Variants in ABCB1 observed in about 807,000 individuals in gnomAD.
ABCB1 encodes the protein ATP binding cassette subfamily B member 1.
In ABCB1, 69 loss-of-function variants were observed where a neutral mutation model predicts 142.0. The ratio of observed to expected loss-of-function variants is 0.49; its 90% CI spans 0.40 to 0.59. The LOEUF (loss-of-function observed/expected upper bound fraction) is 0.59. Ranked by LOEUF, ABCB1 falls within the 20% of genes least tolerant of loss-of-function variation. The pLI is 0.00. For synonymous variants in ABCB1, 532 were observed against 539.2 expected (o/e 0.99, Z 0.18); for missense variants, 1,326 against 1,554.7 (o/e 0.85, Z 2.47).
intron 1 of ABCB1, among the ~76,000 whole-genome samples, chr7:87,622,113 T>C (rs1045906885): frequency 3.3e-5 from 5 of 152,096 alleles, no homozygotes; most frequent in Non-Finnish European, 7.4e-5. Context: ...AAGGAAAATA[T>C]TGATGAATTT....
chr7:87,711,653 A>T (rs1230917563), intron 1 of ABCB1, among the ~76,000 whole-genome samples: 1 of 152,178 alleles, frequency 6.6e-6, no homozygotes, highest in Non-Finnish European at 1.5e-5. Flanking sequence ...GTAGCCACTA[A>T]CACATGCCAT....
intron 19 of ABCB1, among the ~76,000 whole-genome samples, chr7:87,538,776 C>T (rs1353132876): frequency 6.6e-6 from 1 of 152,066 alleles, no homozygotes; most frequent in African/African-American, 2.4e-5. Flanking sequence ...CCATTATCAG[C>T]CAGTAACACT....
chr7:87,693,120 G>A (rs1046465934), intron 1 of ABCB1, among the ~76,000 whole-genome samples: 1 of 152,108 alleles, frequency 6.6e-6, no homozygotes, highest in Admixed American at 6.6e-5. Context: ...TATTTTTTGG[G>A]AATGTTATTT....
At chr7:87,544,694 A>T in intron 16 of ABCB1, 129 bp downstream of exon 16, 2 of 883,114 alleles carry the variant, frequency 2.3e-6, no homozygotes, top group Non-Finnish European at 1.8e-6. Context: ...AAATGTTGAC[A>T]TTCTGGGGGA....
chr7:87,594,569 T>A (rs1459302842), intron 3 of ABCB1, among the ~76,000 whole-genome samples: 2 of 152,188 alleles, frequency 1.3e-5, no homozygotes, highest in African/African-American at 2.4e-5. Flanking sequence ...ATCCTGGGGA[T>A]AAATACAACT....
At chr7:87,582,069 G>T (rs948797788) in intron 4 of ABCB1, among the ~76,000 whole-genome samples, 2 of 152,150 alleles carry the variant, frequency 1.3e-5, no homozygotes, top group Non-Finnish European at 2.9e-5. Context: ...CAGACAAGCA[G>T]ATTAGTGATA....
At chr7:87,561,172 A>T in intron 8 of ABCB1, 91 bp downstream of exon 8, 1 of 1,466,642 alleles carries the variant, frequency 6.8e-7, no homozygotes, top group Non-Finnish European at 9.4e-7. Flanking sequence ...TATATATGGG[A>T]GAAAATGCTT....
chr7:87,556,578 G>A (rs1922241), intron 8 of ABCB1, among the ~76,000 whole-genome samples: 44,771 of 151,920 alleles, frequency 0.29, 6,774 homozygotes, highest in Admixed American at 0.37. Flanking sequence ...CTACTTTCAA[G>A]TTATATCCCA....
At chr7:87,570,870 A>G (rs1425897214) in intron 4 of ABCB1, among the ~76,000 whole-genome samples, 1 of 152,176 alleles carries the variant, frequency 6.6e-6, no homozygotes, top group Non-Finnish European at 1.5e-5. Flanking sequence ...ACACACAAGC[A>G]CACACACTTA....
chr7:87,632,606 C>A (rs1326803100), intron 1 of ABCB1, among the ~76,000 whole-genome samples: 1 of 152,112 alleles, frequency 6.6e-6, no homozygotes, highest in African/African-American at 2.4e-5. Flanking sequence ...CCTGTATATT[C>A]TCTATCGTTT....
chr7:87,528,073 T>A (rs1023730733), intron 21 of ABCB1, among the ~76,000 whole-genome samples: 1 of 152,134 alleles, frequency 6.6e-6, no homozygotes, highest in African/African-American at 2.4e-5. Context: ...TCAGATCTCA[T>A]GAGACTTATT....
At chr7:87,604,645 G>A (rs1343292158), upstream of ABCB1, among the ~76,000 whole-genome samples, 1 of 151,954 alleles carries the variant, frequency 6.6e-6, no homozygotes, top group Non-Finnish European at 1.5e-5. Context: ...TCCAGATTCC[G>A]AAGGTCAATA....
At chr7:87,537,144 T>G (rs2117146828) in intron 19 of ABCB1, 1 of 155,140 alleles carries the variant, frequency 6.4e-6, no homozygotes, top group Admixed American at 6.3e-5. Flanking sequence ...GACAGATTTG[T>G]GTTCTGATTT....
At chr7:87,653,862 G>A (rs189378911) in intron 1 of ABCB1, among the ~76,000 whole-genome samples, 28 of 152,048 alleles carry the variant, frequency 1.8e-4, no homozygotes, top group Admixed American at 1.8e-3. Context: ...TCAGAGCTGA[G>A]TAAAGTGCTT....
rs552993471 is a variant in ABCB1 at position 87,595,458 on chromosome 7, G to A, written c.117+308C>T. Among the ~76,000 whole-genome samples the A allele has an allele frequency of 1.1e-4, 17 of 152,212 alleles. No individual in the cohort carries two copies. The East Asian group carries it at 3.3e-3, about 29-fold the overall frequency. On this transcript the variant is annotated intron_variant, in intron 3 of 27. Transcript: ENST00000622132. ...CCAAATTTCAGAGCCATTAAAGACA[G>A]CATTCTATGTGATTGGTTTCCTCTA... is the stretch of plus-strand genomic sequence containing the variant.
rs1201580584 is a variant in ABCB1, at chr7:87,533,941, G to A, written c.2482-2444C>T. Among the ~76,000 whole-genome samples the A allele has an allele frequency of 2.0e-5, 3 of 152,298 alleles. No homozygotes were observed. In the East Asian group the frequency reaches 5.8e-4, roughly 29 times the overall value. Reference sequence around the variant, plus strand: ...GAGTGGCTCATATAAGGTGAGTGCAGCCATCTTGGCAGGGCCAAGTTTGAG... The same window carrying A: ...GAGTGGCTCATATAAGGTGAGTGCAACCATCTTGGCAGGGCCAAGTTTGAG... On this transcript the variant is annotated intron_variant, in intron 20 of 27. Transcript: ENST00000622132.
chr7:87,584,036 T>C (rs988358882), intron 4 of ABCB1, among the ~76,000 whole-genome samples: 1 of 152,156 alleles, frequency 6.6e-6, no homozygotes, highest in Non-Finnish European at 1.5e-5. Flanking sequence ...AAGGTACCAG[T>C]TCAGAGGTGG....
At chr7:87,703,202 T>A (rs1829249956) in intron 1 of ABCB1, among the ~76,000 whole-genome samples, 2 of 152,206 alleles carry the variant, frequency 1.3e-5, no homozygotes, top group African/African-American at 4.8e-5. Flanking sequence ...CAATTATCTT[T>A]CCAAATTATA....
At chr7:87,585,750 CA>C (rs1818724793) in intron 3 of ABCB1, 70 bp from the exon 4 acceptor site, 1 of 1,519,082 alleles carries the variant, frequency 6.6e-7, no homozygotes, top group South Asian at 1.2e-5. Context: ...GCTTTTCCTT[CA>C]AAATATATCC....
Sources: gnomAD v4.1 joint callset for allele counts (sites outside exome capture counted in the v4.1 genomes callset) on GRCh38, gnomAD v4.1.1 for gene constraint, MANE v1.5 for transcripts, NCBI Gene and HGNC (gene_info 2026-07-23, HGNC 2026-07-21) for gene names.